Variants in GAL3ST2 observed in about 807,000 individuals in gnomAD.
GAL3ST2 encodes the protein galactose-3-O-sulfotransferase 2, also known as beta-galactose-3-O-sulfotransferase 2.
GAL3ST2 carries 16 observed loss-of-function variants against 12.9 expected under a neutral mutation model. That is an observed-to-expected ratio of 1.24 (90% CI 0.84 to 1.88). GAL3ST2 has a LOEUF of 1.88. GAL3ST2 is among the 40% of genes most tolerant of loss of function. The pLI is 0.00. For missense variants in GAL3ST2, 639 were observed against 571.8 expected (o/e 1.12, Z -1.20); for synonymous variants, 302 against 273.9 (o/e 1.10, Z -1.01).
At chr2:241,778,884 T>C (rs1397906462) in intron 1 of GAL3ST2, among the ~76,000 whole-genome samples, 1 of 152,026 alleles carries the variant, frequency 6.6e-6, no homozygotes, top group African/African-American at 2.4e-5. Flanking sequence ...AGACAAATGG[T>C]TGCATTCTTT....
At chr2:241,789,111 A>G (rs1699665975) in intron 1 of GAL3ST2, among the ~76,000 whole-genome samples, 1 of 152,144 alleles carries the variant, frequency 6.6e-6, no homozygotes. Flanking sequence ...CCCCAAACCA[A>G]TAGAGTTCTT....
In GAL3ST2 at chr2:241,803,348, C is replaced by A; in HGVS notation, c.379C>A (p.Gln127Lys). Residue 127 changes from glutamine (Q) to lysine (K), a missense_variant, in exon 4 of 4, where the codon CAG becomes AAG. By Grantham distance (53) the Gln-to-Lys change is moderately conservative. Transcript: ENST00000192314. ...NHLRFNLPQV[Q>K]KVMPNDTFYF... is the part of the protein sequence containing the mutation. ...CCGCCTCTCTGTCGCCACACAGGTG[C>A]AGAAAGTCATGCCCAACGACACCTT... 1 of 1,595,410 alleles carries A rather than the reference C, an allele frequency of 6.3e-7. No homozygotes were observed. Among genetic ancestry groups the A allele is most frequent in the South Asian group, 1.1e-5 (1 of 89,404 alleles).
In GAL3ST2 at chr2:241,795,910, G is replaced by GT. The variant is rs1454978766; in HGVS notation, c.30-3154dup. Among the ~76,000 whole-genome samples, 1 of 152,214 alleles carries GT rather than the reference G, an allele frequency of 6.6e-6. No individual in the cohort carries two copies. The highest frequency in any genetic ancestry group is 1.5e-5 in the Non-Finnish European group (1 of 68,026). On this transcript the variant is annotated intron_variant, in intron 1 of 3. Coordinates refer to ENST00000192314, the MANE Select transcript of GAL3ST2 (RefSeq NM_022134.3). The surrounding 1 kb of genome is among the most constrained non-coding windows in gnomAD (Gnocchi z 4.5). ...CTCTTCAAGGTGGTTCCATTTTGAC[G>GT]TAAGGACTGGAGGGGTGCATTGAAG... is the stretch of plus-strand genomic sequence containing the variant.
chr2:241,786,128 C>T (rs928179277), intron 1 of GAL3ST2, among the ~76,000 whole-genome samples: 2 of 141,368 alleles, frequency 1.4e-5, no homozygotes, highest in African/African-American at 5.6e-5. Context: ...TTCTCCCCCA[C>T]CACACACCTT....
At chr2:241,779,297 G>A (rs1301603805) in intron 1 of GAL3ST2, among the ~76,000 whole-genome samples, 3 of 125,844 alleles carry the variant, frequency 2.4e-5, no homozygotes, top group East Asian at 2.6e-4. Flanking sequence ...GCAGTGGAGC[G>A]ATCTCGGCTC....
rs190559239 is a variant in GAL3ST2 at position 241,796,666 on chromosome 2, G to A, written c.30-2399G>A. ...CCTGATGGCCGGGGGGAGCAGGGCC[G>A]GCTCTGGTCTTGTCTGAAAGGGAGG... On this transcript the variant is annotated intron_variant, in intron 1 of 3. Transcript: ENST00000192314. Among the ~76,000 whole-genome samples the A allele has an allele frequency of 3.4e-3, 523 of 152,212 alleles. 1 individual carries two copies. Among genetic ancestry groups the A allele is most frequent in the African/African-American group, 0.012 (495 of 41,516 alleles).
intron 1 of GAL3ST2, among the ~76,000 whole-genome samples, chr2:241,777,461 T>A (rs73106152): frequency 0.018 from 2,666 of 152,182 alleles, 90 homozygotes; most frequent in African/African-American, 0.059. Context: ...TGCTGTGCTG[T>A]CTCCCTTCTG....
intron 1 of GAL3ST2, among the ~76,000 whole-genome samples, chr2:241,783,962 A>G (rs1292353823): frequency 6.6e-6 from 1 of 152,244 alleles, no homozygotes; most frequent in Non-Finnish European, 1.5e-5. Context: ...CTAAAGCCAC[A>G]GGATTAGAAT....
In GAL3ST2 at chr2:241,801,855, G is replaced by C; in HGVS notation, c.194G>C (p.Ser65Thr). ...MFLKTHKTAS[S>T]TVLNILYRFA... ...CTGAAGACGCACAAGACGGCCAGCAGCACGGTGCTCAACATCCTCTACCGC... is the reference window on the plus strand; with the variant it reads ...CTGAAGACGCACAAGACGGCCAGCACCACGGTGCTCAACATCCTCTACCGC... Residue 65 changes from serine to threonine, a missense_variant, in exon 3 of 4, where the codon AGC becomes ACC. Coordinates refer to ENST00000192314, the MANE Select transcript of GAL3ST2 (RefSeq NM_022134.3). This position sits in a 1 kb window ranked among gnomAD's most constrained non-coding sequence, Gnocchi z 4.4. The C allele has an allele frequency of 6.2e-7, 1 of 1,612,986 alleles. No homozygotes were observed. Among genetic ancestry groups the C allele is most frequent in the Non-Finnish European group, 8.5e-7 (1 of 1,179,958 alleles).
intron 1 of GAL3ST2, among the ~76,000 whole-genome samples, chr2:241,796,429 G>A (rs1002687900): frequency 1.3e-5 from 2 of 152,240 alleles, no homozygotes; most frequent in Admixed American, 6.5e-5. Context: ...GGAAGCCATC[G>A]AGGACCAGGG....
chr2:241,799,199 A>C, intron 2 of GAL3ST2, 45 bp downstream of exon 2: 1 of 1,531,638 alleles, frequency 6.5e-7, no homozygotes, highest in South Asian at 1.1e-5. Context: ...GTACCTCCTA[A>C]CAGCCCCGAG....
At chr2:241,780,187 A>G (rs1699549645) in intron 1 of GAL3ST2, among the ~76,000 whole-genome samples, 1 of 152,022 alleles carries the variant, frequency 6.6e-6, no homozygotes, top group South Asian at 2.1e-4. Flanking sequence ...AACATTAGGC[A>G]AGACTAGAAT....
At chr2:241,803,243 G>C (rs1431576120) in intron 3 of GAL3ST2, 102 bp from the exon 4 acceptor site, 4 of 904,720 alleles carry the variant, frequency 4.4e-6, no homozygotes, top group Non-Finnish European at 4.9e-6. Flanking sequence ...GAGGATGGGG[G>C]TGCTCCTTGA....
rs566976876 is a variant in GAL3ST2 at position 241,795,145 on chromosome 2, C to T, written c.30-3920C>T. On this transcript the variant is annotated intron_variant, in intron 1 of 3. Coordinates refer to ENST00000192314, the MANE Select transcript of GAL3ST2 (RefSeq NM_022134.3). This position sits in a 1 kb window ranked among gnomAD's most constrained non-coding sequence, Gnocchi z 4.5. ...TTTACTGCCCCACGGTGCTCTGGGT[C>T]GGTCACGGGCACCTGTGGCTGGGCT... Among the ~76,000 whole-genome samples the T allele has an allele frequency of 8.5e-5, 13 of 152,188 alleles. No homozygotes were observed. Among genetic ancestry groups the T allele is most frequent in the East Asian group, 3.9e-4 (2 of 5,134 alleles).
chr2:241,779,682 C>T lies in GAL3ST2; in HGVS notation c.29+2698C>T, dbSNP rs544760791. On this transcript the variant is annotated intron_variant, in intron 1 of 3. Coordinates refer to ENST00000192314, the MANE Select transcript of GAL3ST2 (RefSeq NM_022134.3). ...ACTCTGAAGTCCAAACATCAGTAGGCAAACATGAAAGTGGCTTATGTGGCC... is the reference window on the plus strand; with the variant it reads ...ACTCTGAAGTCCAAACATCAGTAGGTAAACATGAAAGTGGCTTATGTGGCC... Among the ~76,000 whole-genome samples the T allele has an allele frequency of 4.2e-4, 63 of 151,790 alleles. 1 individual carries two copies. In the South Asian group the frequency reaches 0.013, roughly 31 times the overall value.
At position 241,803,528 on chromosome 2, in the gene GAL3ST2, G is replaced by A. The variant is rs1381146703; in HGVS notation, c.559G>A (p.Val187Ile). Residue 187 changes from valine to isoleucine, a missense_variant, in exon 4 of 4, where the codon GTC (valine) becomes ATC (isoleucine). Coordinates refer to ENST00000192314, the MANE Select transcript of GAL3ST2 (RefSeq NM_022134.3). ...CAACGACAGCCGCCACCTCAGGAAC[G>A]TCTACGCCAAGAACAACATGTGGTT... ...FYNDSRHLRN[V>I]YAKNNMWFDF... The A allele has an allele frequency of 6.2e-7, 1 of 1,610,506 alleles. No individual in the cohort carries two copies. Among genetic ancestry groups the A allele is most frequent in the Non-Finnish European group, 8.5e-7 (1 of 1,178,728 alleles).
chr2:241,798,221 G>C (rs764626163), intron 1 of GAL3ST2, among the ~76,000 whole-genome samples: 1 of 152,202 alleles, frequency 6.6e-6, no homozygotes, highest in Non-Finnish European at 1.5e-5. Context: ...GGCCTCCTCA[G>C]GCCTCCTCAT....
At chr2:241,798,743 CT>C (rs1464378714) in intron 1 of GAL3ST2, among the ~76,000 whole-genome samples, 1 of 152,168 alleles carries the variant, frequency 6.6e-6, no homozygotes, top group African/African-American at 2.4e-5. Context: ...TAGAGGTCCC[CT>C]GACCTGTTCC....
At chr2:241,785,077 A>T (rs1275831797) in intron 1 of GAL3ST2, among the ~76,000 whole-genome samples, 1 of 152,234 alleles carries the variant, frequency 6.6e-6, no homozygotes, top group African/African-American at 2.4e-5. Context: ...GTTTCCAAAA[A>T]GGGAGAATTA....
Sources: gnomAD v4.1 joint callset for allele counts (sites outside exome capture counted in the v4.1 genomes callset) on GRCh38, gnomAD v4.1.1 for gene constraint, Gnocchi (gnomAD v3.1) non-coding constraint, MANE v1.5 for transcripts, NCBI Gene and HGNC (gene_info 2026-07-23, HGNC 2026-07-21) for gene names.